The following GABRB1 variants were observed in gnomAD, a reference collection of about 807,000 sequenced individuals.
GABRB1 encodes gamma-aminobutyric acid receptor subunit beta-1.
In GABRB1, 17 loss-of-function variants were observed where a neutral mutation model predicts 51.6. The observed-to-expected ratio is 0.33, with a 90% CI of 0.23 to 0.49. The LOEUF (loss-of-function observed/expected upper bound fraction) is 0.49, where lower values mean the gene tolerates loss of function less well. Among genes scored for constraint, GABRB1 ranks in the 20% least tolerant of loss-of-function variants. The pLI is 0.99. For missense variants in GABRB1, 410 were observed against 600.6 expected (o/e 0.68, Z 3.32); for synonymous variants, 247 against 218.9 (o/e 1.13, Z -1.14).
intron 4 of GABRB1, among the ~76,000 whole-genome samples, chr4:47,316,266 C>CCTTTTTTAGGTCTTTGGAAGAGTG (rs1724884881): frequency 2.0e-5 from 3 of 151,696 alleles, no homozygotes; most frequent in Admixed American, 1.3e-4. Context: ...TCTTTGGTAA[C>CCTTTTTTAGGTCTTTGGAAGAGTG]TACCACTTTA....
chr4:47,121,274 G>A (rs1351774782), intron 3 of GABRB1, among the ~76,000 whole-genome samples: 1 of 152,088 alleles, frequency 6.6e-6, no homozygotes, highest in Non-Finnish European at 1.5e-5. Flanking sequence ...CCCCACAATT[G>A]CTGTGCTTTT....
intron 5 of GABRB1, among the ~76,000 whole-genome samples, chr4:47,377,355 A>T (rs888816789): frequency 2.7e-5 from 4 of 150,848 alleles, no homozygotes; most frequent in African/African-American, 9.9e-5. Context: ...CGTGAGTGTT[A>T]CAGTTCTTAA....
chr4:47,045,859 A>G lies in GABRB1; in HGVS notation c.240+13375A>G, dbSNP rs142721580. On this transcript the variant is annotated intron_variant, in intron 3 of 8. Transcript: ENST00000295454. ...CAATCATTATCATCATCATCATCCT[A>G]TTTATTCAACATTTACACTGTAACC... Among the ~76,000 whole-genome samples the G allele has an allele frequency of 2.4e-4, 37 of 152,068 alleles. 1 individual carries two copies. The highest frequency in any genetic ancestry group is 8.9e-4 in the African/African-American group (37 of 41,500).
chr4:47,333,930 A>G (rs1725595597), intron 5 of GABRB1, among the ~76,000 whole-genome samples: 1 of 152,224 alleles, frequency 6.6e-6, no homozygotes, highest in East Asian at 1.9e-4. Flanking sequence ...TTCCAAATCA[A>G]TTGTATTCCC....
At chr4:47,418,479 G>T (rs1162084059) in intron 8 of GABRB1, among the ~76,000 whole-genome samples, 2 of 151,944 alleles carry the variant, frequency 1.3e-5, no homozygotes, top group African/African-American at 2.4e-5. Flanking sequence ...CATTATCGAG[G>T]GTAATCTCCT....
intron 4 of GABRB1, among the ~76,000 whole-genome samples, chr4:47,273,676 C>T (rs1254052915): frequency 6.6e-6 from 1 of 151,762 alleles, no homozygotes; most frequent in Admixed American, 6.6e-5. Flanking sequence ...TAGTCCCTGC[C>T]CTGCTGGAAA....
chr4:47,009,076 G>C (rs189406819), intron 1 of GABRB1, among the ~76,000 whole-genome samples: 1 of 148,376 alleles, frequency 6.7e-6, no homozygotes, highest in African/African-American at 2.5e-5. Flanking sequence ...GTGTTAACCA[G>C]GATGGTCTCC....
At chr4:47,170,612 T>C (rs1296394317) in intron 4 of GABRB1, among the ~76,000 whole-genome samples, 1 of 152,156 alleles carries the variant, frequency 6.6e-6, no homozygotes, top group Non-Finnish European at 1.5e-5. Flanking sequence ...CTGTGAGATA[T>C]GCTAGGTAAA....
intron 5 of GABRB1, among the ~76,000 whole-genome samples, chr4:47,367,530 G>A (rs1008675104): frequency 2.6e-5 from 4 of 152,170 alleles, no homozygotes; most frequent in Non-Finnish European, 4.4e-5. Flanking sequence ...AAAAATGCTG[G>A]TAATTGATCT....
At chr4:47,124,087 C>T (rs1187471206) in intron 3 of GABRB1, among the ~76,000 whole-genome samples, 1 of 147,840 alleles carries the variant, frequency 6.8e-6, no homozygotes, top group African/African-American at 2.5e-5. Flanking sequence ...TCATAAAGGC[C>T]TCAGATAAGT....
At chr4:47,097,751 C>A (rs1325958734) in intron 3 of GABRB1, among the ~76,000 whole-genome samples, 1 of 152,108 alleles carries the variant, frequency 6.6e-6, no homozygotes, top group African/African-American at 2.4e-5. Flanking sequence ...GATGTTTATT[C>A]TTTTATTGAT....
At chr4:47,071,105 T>C (rs946799011) in intron 3 of GABRB1, among the ~76,000 whole-genome samples, 1 of 152,202 alleles carries the variant, frequency 6.6e-6, no homozygotes, top group Non-Finnish European at 1.5e-5. Flanking sequence ...AACTTTGATG[T>C]CTCTCTTTCT....
At chr4:47,301,029 C>T (rs1466242113) in intron 4 of GABRB1, among the ~76,000 whole-genome samples, 1 of 152,104 alleles carries the variant, frequency 6.6e-6, no homozygotes, top group South Asian at 2.1e-4. Context: ...ATTGCTGTCA[C>T]CAATGTAGAA....
At chr4:47,319,682 G>A (rs187627528) in intron 4 of GABRB1, among the ~76,000 whole-genome samples, 1 of 152,174 alleles carries the variant, frequency 6.6e-6, no homozygotes, top group Non-Finnish European at 1.5e-5. Flanking sequence ...TTTGGAATTA[G>A]AGTGAAGCTG....
At chr4:46,997,272 A>G (rs977525880) in intron 1 of GABRB1, among the ~76,000 whole-genome samples, 7 of 152,220 alleles carry the variant, frequency 4.6e-5, no homozygotes, top group African/African-American at 1.7e-4. Context: ...TCAAATTAAC[A>G]TATCCACCAC....
intron 5 of GABRB1, among the ~76,000 whole-genome samples, chr4:47,345,411 G>C (rs867636468): frequency 1.3e-4 from 20 of 152,106 alleles, no homozygotes; most frequent in African/African-American, 4.6e-4. Flanking sequence ...GGACTAAGGA[G>C]GTAAAGAGAG....
chr4:47,299,810 A>G (rs1404156891), intron 4 of GABRB1, among the ~76,000 whole-genome samples: 2 of 152,050 alleles, frequency 1.3e-5, no homozygotes, highest in African/African-American at 2.4e-5. Context: ...TTGCAGCACT[A>G]TTCACAATAG....
intron 8 of GABRB1, among the ~76,000 whole-genome samples, chr4:47,420,578 T>G (rs1008293961): frequency 6.6e-6 from 1 of 152,206 alleles, no homozygotes; most frequent in African/African-American, 2.4e-5. Context: ...TATTGATATT[T>G]TGATATTTCT....
At chr4:47,377,110 G>T (rs149414035) in intron 5 of GABRB1, among the ~76,000 whole-genome samples, 1 of 152,308 alleles carries the variant, frequency 6.6e-6, no homozygotes, top group African/African-American at 2.4e-5. Context: ...CTTGAACATA[G>T]TAGATACGCA....
Sources: allele counts gnomAD v4.1 joint callset (sites outside exome capture counted in the v4.1 genomes callset), GRCh38; gene constraint gnomAD v4.1.1; transcripts MANE v1.5; gene names NCBI Gene and HGNC (gene_info 2026-07-23, HGNC 2026-07-21).